The following TBC1D12 variants were observed in gnomAD, a reference collection of about 807,000 sequenced individuals.
The protein encoded by TBC1D12 is TBC1 domain family member 12, also known as TBC1 domain family, member 12.
TBC1D12 carries 56 observed loss-of-function variants against 86.7 expected under a neutral mutation model. The observed-to-expected ratio is 0.65, with a 90% CI of 0.52 to 0.81. The LOEUF is 0.81. Ranked by LOEUF, TBC1D12 falls within the 30% of genes least tolerant of loss-of-function variation. The pLI, the probability that TBC1D12 is intolerant of heterozygous loss-of-function variation, is 0.00. For synonymous variants in TBC1D12, 421 were observed against 411.7 expected (o/e 1.02, Z -0.27); for missense variants, 1,023 against 1,038.8 (o/e 0.98, Z 0.21).
At chr10:94,433,976 G>A (rs1479641949) in intron 1 of TBC1D12, among the ~76,000 whole-genome samples, 1 of 151,836 alleles carries the variant, frequency 6.6e-6, no homozygotes, top group Non-Finnish European at 1.5e-5. Flanking sequence ...TTTGTTCATT[G>A]TAAATTTTTT....
intron 1 of TBC1D12, among the ~76,000 whole-genome samples, chr10:94,408,482 T>C (rs183678391): frequency 9.2e-5 from 14 of 152,308 alleles, no homozygotes; most frequent in African/African-American, 3.4e-4. Flanking sequence ...CTCCCTAATA[T>C]GAAAACCAAT....
chr10:94,490,655 G>A (rs1026353979), intron 3 of TBC1D12, among the ~76,000 whole-genome samples: 5 of 152,010 alleles, frequency 3.3e-5, no homozygotes, highest in African/African-American at 1.2e-4. Flanking sequence ...ATACTTTTTG[G>A]CTTTAGTCTG....
chr10:94,488,853 T>C (rs1243330866), intron 3 of TBC1D12, among the ~76,000 whole-genome samples: 4 of 152,202 alleles, frequency 2.6e-5, no homozygotes, highest in Non-Finnish European at 4.4e-5. Flanking sequence ...TATCCTACTG[T>C]GGCTGAGCTG....
chr10:94,435,937 G>A (rs1007328806), intron 1 of TBC1D12, among the ~76,000 whole-genome samples: 2 of 152,096 alleles, frequency 1.3e-5, no homozygotes, highest in African/African-American at 4.8e-5. Context: ...TTTCCTCGTT[G>A]ATCTGCAGTG....
chr10:94,519,688 T>A (rs1842089472), intron 9 of TBC1D12, among the ~76,000 whole-genome samples: 1 of 152,190 alleles, frequency 6.6e-6, no homozygotes, highest in Admixed American at 6.6e-5. Context: ...TACATTTCCT[T>A]GCTTTTTCCA....
At chr10:94,420,899 C>T (rs368852501) in intron 1 of TBC1D12, among the ~76,000 whole-genome samples, 11 of 152,172 alleles carry the variant, frequency 7.2e-5, no homozygotes, top group African/African-American at 2.7e-4. Flanking sequence ...ATTTATGGGG[C>T]ACAATGTGAA....
rs558238194 is a variant in TBC1D12 at position 94,505,017 on chromosome 10, C to G, written c.1520-2250C>G. Among the ~76,000 whole-genome samples the G allele has an allele frequency of 2.0e-5, 3 of 151,966 alleles. No individual in the cohort carries two copies. In the East Asian group the frequency reaches 5.8e-4, roughly 29 times the overall value. On this transcript the variant is annotated intron_variant, in intron 6 of 12. Coordinates refer to ENST00000225235, the MANE Select transcript of TBC1D12 (RefSeq NM_015188.2). ...ACTGTGAATCTTACTGGAGAGATGT[C>G]CTTTGATGTTTTGAAATCATTACCA...
chr10:94,427,748 C>T (rs1332240080), intron 1 of TBC1D12, among the ~76,000 whole-genome samples: 1 of 137,050 alleles, frequency 7.3e-6, no homozygotes, highest in Non-Finnish European at 1.5e-5. Flanking sequence ...AGGAGAATTG[C>T]TTGTACCTGG....
chr10:94,487,496 T>TTACC (rs2056182925), intron 3 of TBC1D12, among the ~76,000 whole-genome samples: 1 of 151,934 alleles, frequency 6.6e-6, no homozygotes, highest in African/African-American at 2.4e-5. Context: ...TTATTTGAGG[T>TTACC]TACCATGTGG....
At chr10:94,531,082 C>T (rs1425212121) in intron 11 of TBC1D12, 120 bp from the exon 12 acceptor site, 7 of 1,142,338 alleles carry the variant, frequency 6.1e-6, no homozygotes, top group Admixed American at 2.3e-5. Context: ...ATGGGAAAGC[C>T]ATATGTTATT....
Position 94,507,302 on chromosome 10 carries a change from C to A in TBC1D12, c.1555C>A (p.Arg519=), listed in dbSNP as rs753839705. 6.2e-7 allele frequency: 1 copy of A among 1,609,812 alleles called. No individual in the cohort carries two copies. Among genetic ancestry groups the A allele is most frequent in the South Asian group, 1.1e-5 (1 of 89,652 alleles). The change falls in exon 7 of 13, where the codon CGG becomes AGG. Residue 519 remains arginine (R), a synonymous_variant. Coordinates refer to ENST00000225235, the MANE Select transcript of TBC1D12 (RefSeq NM_015188.2). ...YEIFLSRAKE[R]WKSFSETSSE... is the part of the protein sequence containing the mutation. ...AATCTTCCTCTCAAGAGCAAAAGAA[C>A]GGTGGAAAAGTTTCAGTGAAACAAG...
intron 1 of TBC1D12, among the ~76,000 whole-genome samples, chr10:94,407,675 CAAAA>C (rs35188808): frequency 1.4e-5 from 2 of 138,418 alleles, no homozygotes; most frequent in Admixed American, 7.4e-5. Context: ...GATTCCGTCT[CAAAA>C]AAAAAAAAAA....
At chr10:94,531,951 G>A (rs1007914319) in intron 12 of TBC1D12, among the ~76,000 whole-genome samples, 2 of 151,018 alleles carry the variant, frequency 1.3e-5, no homozygotes, top group Admixed American at 6.6e-5. Context: ...TGTGATCTCG[G>A]CTCACTGCAA....
intron 1 of TBC1D12, among the ~76,000 whole-genome samples, chr10:94,427,853 AAAAAG>A (rs1414657997): frequency 6.6e-6 from 1 of 151,062 alleles, no homozygotes; most frequent in Non-Finnish European, 1.5e-5. Flanking sequence ...AAAAAAAAAA[AAAAAG>A]GAAAGAAAAG....
chr10:94,512,005 A>C (rs1489722339), intron 9 of TBC1D12, among the ~76,000 whole-genome samples: 1 of 152,160 alleles, frequency 6.6e-6, no homozygotes, highest in Non-Finnish European at 1.5e-5. Context: ...TAAGGGAAGG[A>C]TAGGTACCTG....
chr10:94,512,303 G>C (rs1488860391), intron 9 of TBC1D12, among the ~76,000 whole-genome samples: 2 of 151,634 alleles, frequency 1.3e-5, no homozygotes. Context: ...TTTCTTTACT[G>C]TATTTTTAGT....
At chr10:94,491,660 C>T (rs918301236) in intron 3 of TBC1D12, among the ~76,000 whole-genome samples, 2 of 152,162 alleles carry the variant, frequency 1.3e-5, no homozygotes, top group African/African-American at 4.8e-5. Context: ...TCTCACTGTC[C>T]TGCTCCATCC....
chr10:94,429,157 A>C (rs2055184114), intron 1 of TBC1D12, among the ~76,000 whole-genome samples: 1 of 151,992 alleles, frequency 6.6e-6, no homozygotes, highest in Non-Finnish European at 1.5e-5. Flanking sequence ...TTACTTGAAA[A>C]ATTGTAGCCT....
intron 11 of TBC1D12, among the ~76,000 whole-genome samples, chr10:94,530,959 G>A (rs543860508): frequency 1.5e-4 from 22 of 148,268 alleles, no homozygotes; most frequent in African/African-American, 3.2e-4. Flanking sequence ...TCCTGGGTTC[G>A]AGCGATTCTC....
Sources: allele counts gnomAD v4.1 joint callset (sites outside exome capture counted in the v4.1 genomes callset), GRCh38; gene constraint gnomAD v4.1.1; transcripts MANE v1.5; gene names NCBI Gene and HGNC (gene_info 2026-07-23, HGNC 2026-07-21).